Variants in MAML3 observed in about 807,000 individuals in gnomAD.
MAML3 encodes mastermind like transcriptional coactivator 3.
A neutral mutation model predicts 101.9 loss-of-function variants in MAML3; 27 were observed. That is an observed-to-expected ratio of 0.27 (90% confidence interval 0.20 to 0.37). The LOEUF is 0.37. Ranked by LOEUF, MAML3 falls within the 10% of genes least tolerant of loss-of-function variation. MAML3 has a pLI of 1.00. For missense variants in MAML3, 1,316 were observed against 1,444.9 expected, an observed-to-expected ratio of 0.91 and a Z score of 1.45; for synonymous variants, 501 against 555.9, an observed-to-expected ratio of 0.90 and a Z score of 1.39.
intron 2 of MAML3, among the ~76,000 whole-genome samples, chr4:139,776,221 G>A (rs1440669323): frequency 6.6e-6 from 1 of 152,088 alleles, no homozygotes; most frequent in Admixed American, 6.6e-5. Context: ...TTTATTTTGG[G>A]ATATTTATTT....
At chr4:139,807,233 C>T (rs80234257) in intron 2 of MAML3, among the ~76,000 whole-genome samples, 8,894 of 152,136 alleles carry the variant, frequency 0.058, 414 homozygotes, top group Non-Finnish European at 0.083. Context: ...ACTTGCCATT[C>T]GGAAAGCTGC....
At chr4:139,892,134 G>A (rs980037767) in intron 1 of MAML3, among the ~76,000 whole-genome samples, 5 of 152,294 alleles carry the variant, frequency 3.3e-5, no homozygotes, top group Admixed American at 6.5e-5. Context: ...TTTTGGGGTC[G>A]TCAGCCTAGA....
chr4:140,142,163 AAG>A (rs61391348), intron 1 of MAML3, among the ~76,000 whole-genome samples: 24,077 of 152,082 alleles, frequency 0.16, 2,769 homozygotes, highest in African/African-American at 0.32. Context: ...AAATATATGA[AAG>A]AGAAAAAAGT....
Position 139,720,059 on chromosome 4 carries a change from T to C in MAML3, c.2681A>G (p.His894Arg), listed in dbSNP as rs1246055425. Reference sequence around the variant, plus strand: ...TTGCCTCGGTCCCTGGGCTTGGTTATGTGTGATGCTCATGCCACTTTGGTT... The same window carrying C: ...TTGCCTCGGTCCCTGGGCTTGGTTACGTGTGATGCTCATGCCACTTTGGTT... ...HPNQSGMSITHNQAQGPRQPA... is the reference protein window; with the variant it reads ...HPNQSGMSITRNQAQGPRQPA... Residue 894 changes from histidine to arginine, a missense_variant, in exon 5 of 5, where the codon CAT (histidine) becomes CGT (arginine). Transcript: ENST00000509479. 2 of 1,614,102 alleles carry C rather than the reference T, an allele frequency of 1.2e-6. No homozygotes were observed. Among genetic ancestry groups the C allele is most frequent in the Non-Finnish European group, 1.7e-6 (2 of 1,179,908 alleles).
chr4:140,139,797 G>T (rs77060342), intron 1 of MAML3, among the ~76,000 whole-genome samples: 6,765 of 152,186 alleles, frequency 0.044, 489 homozygotes, highest in African/African-American at 0.15. Context: ...GGAAGTGTAC[G>T]TCATGCAAAA....
chr4:140,135,062 T>C (rs543549561), intron 1 of MAML3, among the ~76,000 whole-genome samples: 2 of 152,300 alleles, frequency 1.3e-5, no homozygotes, highest in East Asian at 3.9e-4. Flanking sequence ...CTCAGGAGGA[T>C]GGTGCAACTC....
rs1213390521 is a variant in MAML3, at chr4:139,818,792, A to G, written c.2079+70565T>C. Among the ~76,000 whole-genome samples the G allele has an allele frequency of 2.0e-5, 3 of 152,342 alleles. No individual in the cohort carries two copies. The East Asian group carries it at 5.8e-4, about 29-fold the overall frequency. On this transcript the variant is annotated intron_variant, in intron 2 of 4. Coordinates refer to ENST00000509479, the MANE Select transcript of MAML3 (RefSeq NM_018717.5). ...ATACCCCAAAACATTCACTACTATT[A>G]TGGATTACAGTAGCCTTTGCAACCT...
intron 2 of MAML3, among the ~76,000 whole-genome samples, chr4:139,762,720 A>G (rs1376562313): frequency 1.3e-5 from 2 of 152,220 alleles, no homozygotes; most frequent in Non-Finnish European, 2.9e-5. Context: ...ACTCATGGCC[A>G]AAACTTTAAC....
At position 139,731,740 on chromosome 4, in the gene MAML3, T is replaced by C. The variant is rs538170821; in HGVS notation, c.2080-1073A>G. On this transcript the variant is annotated intron_variant, in intron 2 of 4. Transcript: ENST00000509479. Reference sequence around the variant, plus strand: ...GATGGCAACTTTTAAGGACTGGTCCTTAGGGAAGAGGAGGTCAAGTGGTAA... The same window carrying C: ...GATGGCAACTTTTAAGGACTGGTCCCTAGGGAAGAGGAGGTCAAGTGGTAA... Among the ~76,000 whole-genome samples the C allele has an allele frequency of 4.6e-5, 7 of 152,332 alleles. No individual in the cohort carries two copies. In the South Asian group the frequency reaches 1.5e-3, roughly 32 times the overall value.
intron 2 of MAML3, among the ~76,000 whole-genome samples, chr4:139,763,163 G>C (rs1729788285): frequency 6.6e-6 from 1 of 152,212 alleles, no homozygotes; most frequent in Non-Finnish European, 1.5e-5. Flanking sequence ...TGAAAGATCT[G>C]CATCCTTGTG....
chr4:140,127,749 C>G (rs1728706940), intron 1 of MAML3, among the ~76,000 whole-genome samples: 2 of 152,164 alleles, frequency 1.3e-5, no homozygotes, highest in South Asian at 4.1e-4. Context: ...CACATCAACA[C>G]TATGAGGAAG....
chr4:139,875,331 GGT>G (rs1732091549), intron 2 of MAML3, among the ~76,000 whole-genome samples: 1 of 152,180 alleles, frequency 6.6e-6, no homozygotes, highest in Non-Finnish European at 1.5e-5. Flanking sequence ...AGGTGGAAGT[GGT>G]GGGAGCGCTG....
rs118099736 is a variant in MAML3 at position 139,960,363 on chromosome 4, C to T, written c.469-69396G>A. Reference sequence around the variant, plus strand: ...CATTGCATTTGCCCCTTCTCCCTCACTACCTTTTAAAATTGGACAAAGCTC... The same window carrying T: ...CATTGCATTTGCCCCTTCTCCCTCATTACCTTTTAAAATTGGACAAAGCTC... On this transcript the variant is annotated intron_variant, in intron 1 of 4. Coordinates refer to ENST00000509479, the MANE Select transcript of MAML3 (RefSeq NM_018717.5). Among the ~76,000 whole-genome samples, 150 of 152,328 alleles carry T rather than the reference C, an allele frequency of 9.8e-4. 2 individuals carry two copies. In the East Asian group the frequency reaches 0.026, roughly 26 times the overall value.
chr4:140,038,760 C>G (rs977948953), intron 1 of MAML3, among the ~76,000 whole-genome samples: 1 of 152,130 alleles, frequency 6.6e-6, no homozygotes, highest in African/African-American at 2.4e-5. Context: ...CTTGCAAGCT[C>G]GGCTATTATT....
At chr4:140,036,241 T>C (rs1245265814) in intron 1 of MAML3, among the ~76,000 whole-genome samples, 1 of 152,222 alleles carries the variant, frequency 6.6e-6, no homozygotes, top group African/African-American at 2.4e-5. Flanking sequence ...AGGGAACATC[T>C]ACCAATGGCC....
At chr4:139,936,622 A>G (rs535813720) in intron 1 of MAML3, among the ~76,000 whole-genome samples, 8 of 152,300 alleles carry the variant, frequency 5.3e-5, no homozygotes, top group African/African-American at 1.7e-4. Flanking sequence ...ACTTGAGGCC[A>G]GGAGTTCAAG....
At chr4:139,728,906 A>G (rs879452124) in intron 3 of MAML3, among the ~76,000 whole-genome samples, 7 of 152,144 alleles carry the variant, frequency 4.6e-5, no homozygotes, top group Non-Finnish European at 1.0e-4. Flanking sequence ...CACAGCACAC[A>G]TATCAAAAGC....
intron 2 of MAML3, among the ~76,000 whole-genome samples, chr4:139,863,482 C>G (rs1273914705): frequency 6.6e-6 from 1 of 151,620 alleles, no homozygotes; most frequent in Non-Finnish European, 1.5e-5. Flanking sequence ...TCCTGAGTAG[C>G]TGGGATTACA....
intron 1 of MAML3, among the ~76,000 whole-genome samples, chr4:139,912,322 C>T (rs889907569): frequency 1.3e-5 from 2 of 152,016 alleles, no homozygotes; most frequent in Admixed American, 1.3e-4. Context: ...TTCTCAATGA[C>T]CTTGACACAA....
Sources: allele counts gnomAD v4.1 joint callset (sites outside exome capture counted in the v4.1 genomes callset), GRCh38; gene constraint gnomAD v4.1.1; transcripts MANE v1.5; gene names NCBI Gene and HGNC (gene_info 2026-07-23, HGNC 2026-07-21).